Variants in DMD observed in about 807,000 individuals in gnomAD.
The protein encoded by DMD is dystrophin.
A neutral mutation model predicts 330.1 loss-of-function variants in DMD; 63 were observed. The ratio of observed to expected loss-of-function variants is 0.19; its 90% CI spans 0.16 to 0.24. DMD has a LOEUF of 0.24. Ranked by LOEUF, DMD falls within the 10% of genes least tolerant of loss-of-function variation. The pLI, the probability that DMD is intolerant of heterozygous loss-of-function variation, is 1.00. For missense variants in DMD, 3,344 were observed against 2,684.1 expected, an observed-to-expected ratio of 1.25 and a Z score of -5.43; for synonymous variants, 1,223 against 959.8, an observed-to-expected ratio of 1.27 and a Z score of -5.07.
chrX:32,849,480 T>C (rs901290141), intron 3 of DMD, among the ~76,000 whole-genome samples: 1 of 112,033 alleles, frequency 8.9e-6, no homozygotes, highest in Non-Finnish European at 1.9e-5. Context: ...TTTGATAAGA[T>C]AGATACCAAG....
chrX:32,473,181 G>C (rs759579996), intron 21 of DMD, among the ~76,000 whole-genome samples: 1 of 111,063 alleles, frequency 9.0e-6, no homozygotes, highest in Non-Finnish European at 1.9e-5. Context: ...ATATTTTAGG[G>C]ATAATCCAAA....
At chrX:33,099,092 C>T (rs988724740) in intron 1 of DMD, among the ~76,000 whole-genome samples, 2 of 112,064 alleles carry the variant, frequency 1.8e-5, no homozygotes, top group South Asian at 3.7e-4. Flanking sequence ...TTCTTTATTA[C>T]GGCTAGTAGA....
At chrX:31,294,418 G>A (rs780001661) in intron 62 of DMD, among the ~76,000 whole-genome samples, 2 of 112,170 alleles carry the variant, frequency 1.8e-5, no homozygotes, top group Non-Finnish European at 3.8e-5. Flanking sequence ...TCCTCTACCC[G>A]AACATCCATG....
intron 44 of DMD, among the ~76,000 whole-genome samples, chrX:32,122,591 ATC>A (rs963472755): frequency 9.0e-6 from 1 of 111,178 alleles, no homozygotes; most frequent in African/African-American, 3.3e-5. Flanking sequence ...CACTAAATAC[ATC>A]TCTCTGTGCC....
At chrX:32,538,974 G>T (rs1329652351) in intron 17 of DMD, among the ~76,000 whole-genome samples, 1 of 110,969 alleles carries the variant, frequency 9.0e-6, no homozygotes, top group African/African-American at 3.3e-5. Context: ...TGATGATACT[G>T]TTTCATGCAC....
chrX:31,379,536 G>A (rs1056450178), intron 60 of DMD, among the ~76,000 whole-genome samples: 7 of 111,281 alleles, frequency 6.3e-5, no homozygotes, highest in African/African-American at 1.3e-4. Flanking sequence ...ATCTGCTCCC[G>A]ACATTAAACT....
In DMD at chrX:32,602,218, G is replaced by T. The variant is rs2056280529; in HGVS notation, c.1483-6342C>A. On this transcript the variant is annotated intron_variant, in intron 12 of 78. Transcript: ENST00000357033. ...TGGTTATCACAGAAAAATTTGCATG[G>T]GCAGACATATGTCATGGAGTGAGGA... Among the ~76,000 whole-genome samples, 3 of 111,510 alleles carry T rather than the reference G, an allele frequency of 2.7e-5. No individual in the cohort carries two copies. In the South Asian group the frequency reaches 1.1e-3, roughly 42 times the overall value.
chrX:31,819,492 TCCTTACTAAG>T (rs2092707264), intron 50 of DMD, among the ~76,000 whole-genome samples: 1 of 112,644 alleles, frequency 8.9e-6, no homozygotes, highest in Middle Eastern at 4.6e-3. Flanking sequence ...TTAATGGTGT[TCCTTACTAAG>T]AATTGCCTTC....
chrX:32,589,262 C>T (rs1026314776), intron 13 of DMD, among the ~76,000 whole-genome samples: 1 of 110,995 alleles, frequency 9.0e-6, no homozygotes, highest in Non-Finnish European at 1.9e-5. Context: ...CAATCGTGGG[C>T]GTAAAATACA....
At chrX:31,939,268 G>A (rs932351447) in intron 45 of DMD, among the ~76,000 whole-genome samples, 2 of 111,676 alleles carry the variant, frequency 1.8e-5, no homozygotes, top group Admixed American at 1.9e-4. Context: ...ATACCTGGTT[G>A]GTGCTTGAGT....
intron 19 of DMD, among the ~76,000 whole-genome samples, chrX:32,499,479 G>A (rs761044639): frequency 4.5e-5 from 5 of 111,312 alleles, no homozygotes; most frequent in African/African-American, 6.5e-5. Context: ...GAAACTATAC[G>A]TGGTTAAGAG....
chrX:31,145,447 T>C (rs755637828), intron 76 of DMD, among the ~76,000 whole-genome samples: 1 of 111,809 alleles, frequency 8.9e-6, no homozygotes, highest in Non-Finnish European at 1.9e-5. Flanking sequence ...CAATCAATTC[T>C]ATGAAACTCA....
intron 2 of DMD, among the ~76,000 whole-genome samples, chrX:32,927,618 C>T (rs1317299240): frequency 1.8e-5 from 2 of 111,070 alleles, no homozygotes; most frequent in Non-Finnish European, 3.8e-5. Flanking sequence ...TGCATACTGT[C>T]TTGGATTATT....
intron 63 of DMD, among the ~76,000 whole-genome samples, chrX:31,256,413 A>C (rs2049961854): frequency 9.0e-6 from 1 of 111,700 alleles, no homozygotes; most frequent in Non-Finnish European, 1.9e-5. Flanking sequence ...GGACTCTGGC[A>C]ATATTTTCTC....
At chrX:31,633,318 C>A (rs1368072156) in intron 54 of DMD, among the ~76,000 whole-genome samples, 1 of 111,587 alleles carries the variant, frequency 9.0e-6, no homozygotes, top group Non-Finnish European at 1.9e-5. Flanking sequence ...GTATACTCAG[C>A]TGGATATTTC....
At chrX:32,706,186 T>C (rs1241904370) in intron 7 of DMD, among the ~76,000 whole-genome samples, 2 of 78,953 alleles carry the variant, frequency 2.5e-5, no homozygotes, top group Non-Finnish European at 4.6e-5. Flanking sequence ...AGAGAACACT[T>C]GGACACAGGA....
At chrX:33,010,250 A>ATATGTGTACATATGTGTGTG (rs2093669089) in intron 2 of DMD, among the ~76,000 whole-genome samples, 2 of 102,693 alleles carry the variant, frequency 1.9e-5, no homozygotes, top group Non-Finnish European at 3.9e-5. Flanking sequence ...ATATGTGTGT[A>ATATGTGTACATATGTGTGTG]TATATGTACA....
intron 67 of DMD, among the ~76,000 whole-genome samples, chrX:31,191,704 C>T (rs1034833799): frequency 8.9e-6 from 1 of 111,849 alleles, no homozygotes; most frequent in Non-Finnish European, 1.9e-5. Flanking sequence ...GTCCAATGAC[C>T]CTCTCTCTTT....
chrX:31,784,410 G>T (rs1442542702), intron 50 of DMD, among the ~76,000 whole-genome samples: 1 of 111,732 alleles, frequency 8.9e-6, no homozygotes, highest in African/African-American at 3.3e-5. Flanking sequence ...ATGTGAAAAG[G>T]TGTAGCCACT....
Sources: gnomAD v4.1 joint callset for allele counts (sites outside exome capture counted in the v4.1 genomes callset) on GRCh38, gnomAD v4.1.1 for gene constraint, MANE v1.5 for transcripts, NCBI Gene and HGNC (gene_info 2026-07-23, HGNC 2026-07-21) for gene names.